LYPLAL1: variants seen among roughly 807,000 people sequenced by gnomAD.
LYPLAL1 encodes the protein lysophospholipase-like protein 1.
Under a neutral mutation model 19.7 loss-of-function variants are expected in LYPLAL1, and 23 were observed. That is an observed-to-expected ratio of 1.17 (90% confidence interval 0.84 to 1.65). The LOEUF is 1.65. Ranked by LOEUF, LYPLAL1 falls within the 40% of genes most tolerant of loss-of-function variation. The pLI is 0.00. For missense variants in LYPLAL1, 355 were observed against 279.4 expected, an observed-to-expected ratio of 1.27 and a Z score of -1.93; for synonymous variants, 119 against 96.3, an observed-to-expected ratio of 1.24 and a Z score of -1.38.
the LYPLAL1 span, among the ~76,000 whole-genome samples, chr1:219,366,239 T>A: frequency 6.6e-6 from 1 of 152,300 alleles, no homozygotes. Context: ...TGATAATGAA[T>A]GTTTAAATAT....
the LYPLAL1 span, among the ~76,000 whole-genome samples, chr1:219,403,187 T>C: frequency 2.0e-5 from 3 of 152,250 alleles, no homozygotes; most frequent in South Asian, 2.1e-4. Flanking sequence ...CTTGGGTGCA[T>C]GCACATGCCA....
At chr1:219,410,491 C>T in the LYPLAL1 span, among the ~76,000 whole-genome samples, 1 of 152,216 alleles carries the variant, frequency 6.6e-6, no homozygotes, top group Non-Finnish European at 1.5e-5. Flanking sequence ...AGCGTGCTGG[C>T]AGTCCTCAGA....
At chr1:219,317,239 T>C in the LYPLAL1 span, among the ~76,000 whole-genome samples, 1 of 152,182 alleles carries the variant, frequency 6.6e-6, no homozygotes, top group South Asian at 2.1e-4. Context: ...CCGAAGTAAA[T>C]CCAAACTCCT....
the LYPLAL1 span, among the ~76,000 whole-genome samples, chr1:219,309,121 A>G: frequency 6.6e-6 from 1 of 152,198 alleles, no homozygotes; most frequent in Non-Finnish European, 1.5e-5. Flanking sequence ...TGGAGCTTTC[A>G]AATTTGACTG....
the LYPLAL1 span, among the ~76,000 whole-genome samples, chr1:219,297,674 A>C: frequency 3.3e-5 from 5 of 152,242 alleles, no homozygotes; most frequent in African/African-American, 1.2e-4. Flanking sequence ...CAAAATTACT[A>C]AAGAGAGTAC....
At chr1:219,434,103 G>T in the LYPLAL1 span, among the ~76,000 whole-genome samples, 407 of 151,796 alleles carry the variant, frequency 2.7e-3, 11 homozygotes, top group East Asian at 0.06. Context: ...GTGGCTTTTT[G>T]TTCTTACATT....
At position 219,193,110 on chromosome 1, in the gene LYPLAL1, T is replaced by C; in HGVS notation, c.220T>C (p.Ser74Pro). Residue 74 changes from serine (S) to proline (P), a missense_variant, in exon 3 of 5, where the codon TCC becomes CCC. Coordinates refer to ENST00000366928, the MANE Select transcript of LYPLAL1 (RefSeq NM_138794.5). ...RSYTPMKGGI[S>P]NVWFDRFKIT... ...ATATACTCCTATGAAAGGAGGAATC[T>C]CCAATGTATGGTTTGACAGATTTAA... is the stretch of plus-strand genomic sequence containing the variant. 6.2e-7 allele frequency: 1 copy of C among 1,604,802 alleles called. No homozygotes were observed. Among genetic ancestry groups the C allele is most frequent in the Non-Finnish European group, 8.5e-7 (1 of 1,174,036 alleles).
the LYPLAL1 span, among the ~76,000 whole-genome samples, chr1:219,235,773 T>C: frequency 6.6e-6 from 1 of 152,198 alleles, no homozygotes; most frequent in Non-Finnish European, 1.5e-5. Flanking sequence ...GCTTTATACA[T>C]GAATTTCCAG....
chr1:219,382,828 G>T, the LYPLAL1 span, among the ~76,000 whole-genome samples: 1 of 149,678 alleles, frequency 6.7e-6, no homozygotes, highest in African/African-American at 2.5e-5. Context: ...ACAAATCAGA[G>T]AAATAGAAAA....
At chr1:219,262,123 A>G in the LYPLAL1 span, among the ~76,000 whole-genome samples, 1 of 151,976 alleles carries the variant, frequency 6.6e-6, no homozygotes, top group East Asian at 1.9e-4. Flanking sequence ...TCTTTCTTCT[A>G]CTTGTTCTAG....
At chr1:219,358,617 G>A in the LYPLAL1 span, among the ~76,000 whole-genome samples, 1 of 152,040 alleles carries the variant, frequency 6.6e-6, no homozygotes, top group Non-Finnish European at 1.5e-5. Flanking sequence ...AGCAAAGGGG[G>A]AAGCACCCCT....
chr1:219,410,888 C>A, the LYPLAL1 span, among the ~76,000 whole-genome samples: 1 of 152,238 alleles, frequency 6.6e-6, no homozygotes, highest in African/African-American at 2.4e-5. Flanking sequence ...TGCCTTCCCA[C>A]GGGGCAGGGC....
At chr1:219,186,824 C>T (rs1656760955) in intron 2 of LYPLAL1, among the ~76,000 whole-genome samples, 1 of 151,762 alleles carries the variant, frequency 6.6e-6, no homozygotes, top group African/African-American at 2.4e-5. Context: ...AATTTGTCTT[C>T]TAAGTGATTT....
the LYPLAL1 span, among the ~76,000 whole-genome samples, chr1:219,292,730 A>G: frequency 1.3e-5 from 2 of 152,208 alleles, no homozygotes; most frequent in Non-Finnish European, 2.9e-5. Flanking sequence ...TACAATGTCA[A>G]GTAAGGTAGG....
chr1:219,277,321 TATTC>T, the LYPLAL1 span, among the ~76,000 whole-genome samples: 1 of 151,990 alleles, frequency 6.6e-6, no homozygotes, highest in Non-Finnish European at 1.5e-5. Flanking sequence ...GACCTGAAAA[TATTC>T]ATTGATTATG....
At chr1:219,185,288 C>T (rs1237604137) in intron 2 of LYPLAL1, among the ~76,000 whole-genome samples, 4 of 150,468 alleles carry the variant, frequency 2.7e-5, no homozygotes, top group Non-Finnish European at 4.4e-5. Flanking sequence ...TCTTTTTTTT[C>T]GTGGTTCATC....
chr1:219,330,047 C>A, the LYPLAL1 span, among the ~76,000 whole-genome samples: 15 of 152,146 alleles, frequency 9.9e-5, no homozygotes, highest in Non-Finnish European at 1.9e-4. Context: ...GCTTACAGAT[C>A]TCTCAGGCAC....
the LYPLAL1 span, among the ~76,000 whole-genome samples, chr1:219,400,865 A>T: frequency 3.3e-5 from 5 of 152,138 alleles, no homozygotes; most frequent in Non-Finnish European, 4.4e-5. Context: ...GGAATATTCA[A>T]AGTTTATTAA....
chr1:219,312,284 G>A, the LYPLAL1 span, among the ~76,000 whole-genome samples: 1 of 152,128 alleles, frequency 6.6e-6, no homozygotes, highest in African/African-American at 2.4e-5. Flanking sequence ...AGGACAGCTT[G>A]GATAAACTTC....
Sources: gnomAD v4.1 joint callset for allele counts (sites outside exome capture counted in the v4.1 genomes callset) on GRCh38, gnomAD v4.1.1 for gene constraint, MANE v1.5 for transcripts, NCBI Gene and HGNC (gene_info 2026-07-23, HGNC 2026-07-21) for gene names.